CTNNA2: variants seen among roughly 807,000 people sequenced by gnomAD.
The protein encoded by CTNNA2 is catenin alpha-2.
A neutral mutation model predicts 101.0 loss-of-function variants in CTNNA2; 42 were observed. The ratio of observed to expected loss-of-function variants is 0.42; its 90% CI spans 0.32 to 0.54. The LOEUF is 0.54. Among genes scored for constraint, CTNNA2 ranks in the 20% least tolerant of loss-of-function variants. The probability of loss-of-function intolerance (pLI) is 0.14; values close to 1 mark genes in which losing one functional copy is unlikely to be tolerated. For missense variants in CTNNA2, 871 were observed against 1,223.1 expected, an observed-to-expected ratio of 0.71 and a Z score of 4.29; for synonymous variants, 450 against 456.4, an observed-to-expected ratio of 0.99 and a Z score of 0.18.
chr2:80,466,838 A>G (rs1268069036), intron 9 of CTNNA2, among the ~76,000 whole-genome samples: 1 of 152,230 alleles, frequency 6.6e-6, no homozygotes, highest in Non-Finnish European at 1.5e-5. Flanking sequence ...AGCATATTTT[A>G]GATAACAAGA....
chr2:80,467,889 T>C (rs1684986284), intron 9 of CTNNA2, among the ~76,000 whole-genome samples: 1 of 152,190 alleles, frequency 6.6e-6, no homozygotes, highest in Admixed American at 6.5e-5. Flanking sequence ...GACCCTGGAC[T>C]TCCCAGCCTC....
intron 7 of CTNNA2, among the ~76,000 whole-genome samples, chr2:79,955,459 G>C (rs568546600): frequency 1.3e-4 from 20 of 152,158 alleles, no homozygotes; most frequent in Non-Finnish European, 2.6e-4. Context: ...GTGTAGAGAA[G>C]ACCACGGTAA....
intron 3 of CTNNA2, among the ~76,000 whole-genome samples, chr2:79,762,529 C>A (rs954304024): frequency 6.6e-6 from 1 of 152,006 alleles, no homozygotes; most frequent in Non-Finnish European, 1.5e-5. Flanking sequence ...GGGTCAGAAT[C>A]CCTTTGCATA....
chr2:79,789,071 T>C (rs1409039105), intron 3 of CTNNA2, among the ~76,000 whole-genome samples: 2 of 152,174 alleles, frequency 1.3e-5, no homozygotes, highest in Admixed American at 1.3e-4. Flanking sequence ...GCCTTTTAAA[T>C]GTGTTAGCTA....
chr2:80,164,950 T>G (rs74846394), intron 7 of CTNNA2, among the ~76,000 whole-genome samples: 48 of 148,846 alleles, frequency 3.2e-4, no homozygotes, highest in African/African-American at 5.5e-4. Context: ...TTTTTTTTTT[T>G]TTTTTTTCTA....
rs925295028 is a variant in CTNNA2, at chr2:79,208,693, T to C, written c.-406+10617T>C. 3.9e-5 allele frequency among the ~76,000 whole-genome samples: 6 copies of C among 152,174 alleles called. No homozygotes were observed. The East Asian group carries it at 5.8e-4, about 15-fold the overall frequency. On this transcript the variant is annotated intron_variant, in intron 2 of 21. Transcript: ENST00000466387. ...CTTTCAGGCTTTTTGTGTTAGCAGG[T>C]ATTTTGGTTCCCATTCAGGGCCCTC...
chr2:79,965,827 C>CAAAAAAAAAAAAAAA (rs10686940), intron 7 of CTNNA2, among the ~76,000 whole-genome samples: 17 of 77,982 alleles, frequency 2.2e-4, no homozygotes, highest in Non-Finnish European at 2.8e-4. Flanking sequence ...GAGACTATGT[C>CAAAAAAAAAAAAAAA]AAAAAAAAAA....
chr2:79,430,618 A>T (rs1197104615), intron 4 of CTNNA2, among the ~76,000 whole-genome samples: 1 of 152,154 alleles, frequency 6.6e-6, no homozygotes, highest in African/African-American at 2.4e-5. Flanking sequence ...TTTTGCATAT[A>T]TTATTTTACT....
chr2:79,208,337 A>G (rs1484137917), intron 2 of CTNNA2, among the ~76,000 whole-genome samples: 1 of 152,204 alleles, frequency 6.6e-6, no homozygotes, highest in Non-Finnish European at 1.5e-5. Flanking sequence ...CAATGAGCTC[A>G]TGGCTGGTAA....
chr2:79,938,388 A>G (rs576369116), intron 7 of CTNNA2, among the ~76,000 whole-genome samples: 2 of 152,332 alleles, frequency 1.3e-5, no homozygotes, highest in South Asian at 4.1e-4. Context: ...CTAATTAAAG[A>G]TATTTCTCAG....
At chr2:79,242,673 T>A (rs2104257882) in intron 2 of CTNNA2, among the ~76,000 whole-genome samples, 1 of 152,234 alleles carries the variant, frequency 6.6e-6, no homozygotes, top group African/African-American at 2.4e-5. Flanking sequence ...TCATTTTTAA[T>A]ATGTTAATAT....
intron 4 of CTNNA2, among the ~76,000 whole-genome samples, chr2:79,420,575 G>A (rs1237287943): frequency 6.6e-6 from 1 of 152,040 alleles, no homozygotes; most frequent in Admixed American, 6.6e-5. Flanking sequence ...TCCAAAATAA[G>A]TTTATGTCTT....
At chr2:79,409,259 G>C (rs181776529) in intron 4 of CTNNA2, among the ~76,000 whole-genome samples, 1,858 of 152,030 alleles carry the variant, frequency 0.012, 30 homozygotes, top group African/African-American at 0.041. Context: ...TGCCTGTTCA[G>C]TCTGATGGTA....
chr2:79,907,386 A>G (rs17018130), intron 6 of CTNNA2, among the ~76,000 whole-genome samples: 35,846 of 152,024 alleles, frequency 0.24, 4,473 homozygotes, highest in African/African-American at 0.32. Flanking sequence ...AAATGCATCA[A>G]CAGAAAGGCA....
chr2:80,439,870 T>A (rs1216249892), intron 9 of CTNNA2, among the ~76,000 whole-genome samples: 1 of 152,058 alleles, frequency 6.6e-6, no homozygotes, highest in East Asian at 1.9e-4. Flanking sequence ...GAGTCTAGAG[T>A]CCAAATTAAC....
At chr2:80,011,536 AC>A (rs1453949435) in intron 7 of CTNNA2, among the ~76,000 whole-genome samples, 1 of 152,186 alleles carries the variant, frequency 6.6e-6, no homozygotes, top group Admixed American at 6.5e-5. Flanking sequence ...CAAAAAAAGA[AC>A]ATCAACATTC....
chr2:79,493,756 G>A (rs780185851), intron 4 of CTNNA2: 8 of 152,180 alleles, frequency 5.3e-5, no homozygotes, highest in Non-Finnish European at 1.2e-4. Flanking sequence ...CGTTGCTAAC[G>A]AAATAATATG....
chr2:79,798,944 G>C (rs11901747), intron 3 of CTNNA2, among the ~76,000 whole-genome samples: 7 of 151,990 alleles, frequency 4.6e-5, no homozygotes, highest in Non-Finnish European at 1.0e-4. Flanking sequence ...TGGAAAGTAC[G>C]CATCTGGCAT....
intron 9 of CTNNA2, among the ~76,000 whole-genome samples, chr2:80,436,128 T>C (rs1682002311): frequency 6.6e-6 from 1 of 152,108 alleles, no homozygotes; most frequent in Non-Finnish European, 1.5e-5. Flanking sequence ...ATCCCTAGAG[T>C]CACGGTCATC....
Sources: allele counts gnomAD v4.1 joint callset (sites outside exome capture counted in the v4.1 genomes callset), GRCh38; gene constraint gnomAD v4.1.1; transcripts MANE v1.5; gene names NCBI Gene and HGNC (gene_info 2026-07-23, HGNC 2026-07-21).